Variants in EPHA6 observed in about 807,000 individuals in gnomAD.
The protein encoded by EPHA6 is ephrin type-A receptor 6.
In EPHA6, 50 loss-of-function variants were observed where a neutral mutation model predicts 112.0. The ratio of observed to expected loss-of-function variants is 0.45; its 90% CI spans 0.36 to 0.56. The LOEUF is 0.56. Among genes scored for constraint, EPHA6 ranks in the 20% least tolerant of loss-of-function variants. EPHA6 has a pLI of 0.00. For synonymous variants in EPHA6, 529 were observed against 490.7 expected, an observed-to-expected ratio of 1.08 and a Z score of -1.03; for missense variants, 1,280 against 1,417.4, an observed-to-expected ratio of 0.90 and a Z score of 1.56.
intron 13 of EPHA6, among the ~76,000 whole-genome samples, chr3:97,617,398 C>A (rs762616039): frequency 2.0e-5 from 3 of 152,012 alleles, no homozygotes; most frequent in Non-Finnish European, 4.4e-5. Context: ...GCTAGCATCA[C>A]GATGTCAGGA....
intron 14 of EPHA6, among the ~76,000 whole-genome samples, chr3:97,694,131 T>A (rs988680713): frequency 8.5e-5 from 13 of 152,192 alleles, no homozygotes; most frequent in African/African-American, 3.1e-4. Context: ...AAAACCTAGT[T>A]TCTAGTTCTA....
chr3:97,727,242 T>G (rs549198409), intron 15 of EPHA6, among the ~76,000 whole-genome samples: 10 of 152,016 alleles, frequency 6.6e-5, no homozygotes, highest in Non-Finnish European at 1.5e-4. Flanking sequence ...TAATAATGAG[T>G]TTTGCTTTAG....
intron 2 of EPHA6, among the ~76,000 whole-genome samples, chr3:96,906,134 TA>T (rs1264821754): frequency 1.3e-5 from 2 of 152,096 alleles, no homozygotes; most frequent in African/African-American, 4.8e-5. Flanking sequence ...TTTCCTGTTT[TA>T]AAAAACTGAA....
At chr3:97,489,680 C>T (rs2091788595) in intron 10 of EPHA6, among the ~76,000 whole-genome samples, 1 of 143,968 alleles carries the variant, frequency 6.9e-6, no homozygotes, top group South Asian at 2.1e-4. Context: ...AGCGAGACTC[C>T]GTCTTAAAAA....
chr3:97,013,515 C>T (rs2044162261), intron 3 of EPHA6, among the ~76,000 whole-genome samples: 1 of 152,002 alleles, frequency 6.6e-6, no homozygotes, highest in Non-Finnish European at 1.5e-5. Flanking sequence ...CCTGAAAAAC[C>T]ATGAATTGCC....
chr3:97,344,024 G>T (rs1387274717), intron 5 of EPHA6, among the ~76,000 whole-genome samples: 3 of 152,252 alleles, frequency 2.0e-5, no homozygotes, highest in Admixed American at 2.0e-4. Context: ...GGGAATGTCT[G>T]TCCTATGCCT....
rs906821863 is a variant in EPHA6, at chr3:97,755,900, A to G, written c.*7199A>G. ...AATGCTAATTTGTAAAGATAGGCAA[A>G]CACTACACTTTTAAGATTTTTACCG... On this transcript the variant is annotated 3_prime_UTR_variant, in exon 18 of 18. Coordinates refer to ENST00000389672, the MANE Select transcript of EPHA6 (RefSeq NM_001080448.3). Among the ~76,000 whole-genome samples, 5 of 152,160 alleles carry G rather than the reference A, an allele frequency of 3.3e-5. No homozygotes were observed. The highest frequency in any genetic ancestry group is 1.9e-4 in the East Asian group (1 of 5,184).
At chr3:97,636,091 A>G (rs754238913) in intron 13 of EPHA6, among the ~76,000 whole-genome samples, 14 of 152,254 alleles carry the variant, frequency 9.2e-5, no homozygotes, top group Admixed American at 3.9e-4. Context: ...TGCAATTCCA[A>G]GTTAGATGAC....
intron 2 of EPHA6, among the ~76,000 whole-genome samples, chr3:96,947,362 G>C (rs112336228): frequency 3.9e-5 from 6 of 152,062 alleles, no homozygotes; most frequent in Non-Finnish European, 7.4e-5. Flanking sequence ...TTTGTATAAG[G>C]CATAAGGAAG....
At chr3:97,297,955 G>A (rs548977972) in intron 5 of EPHA6, among the ~76,000 whole-genome samples, 2 of 151,956 alleles carry the variant, frequency 1.3e-5, no homozygotes, top group Non-Finnish European at 2.9e-5. Flanking sequence ...GTAGAGACAG[G>A]GTTTCACCAT....
intron 7 of EPHA6, among the ~76,000 whole-genome samples, chr3:97,454,465 C>G (rs2090619866): frequency 6.6e-6 from 1 of 151,522 alleles, no homozygotes; most frequent in South Asian, 2.1e-4. Flanking sequence ...TATTAAAATA[C>G]TAAAGAATAG....
At chr3:97,175,113 T>C (rs2076801983) in intron 3 of EPHA6, among the ~76,000 whole-genome samples, 1 of 152,036 alleles carries the variant, frequency 6.6e-6, no homozygotes, top group Non-Finnish European at 1.5e-5. Flanking sequence ...TTATTTTGCA[T>C]GTGGATATTC....
chr3:97,681,077 T>C (rs1013895601), intron 14 of EPHA6, among the ~76,000 whole-genome samples: 6 of 151,870 alleles, frequency 4.0e-5, no homozygotes, highest in African/African-American at 1.5e-4. Context: ...TAGTGAAAAA[T>C]AGGAAGAGGA....
At chr3:97,000,001 AC>A (rs1242251767) in intron 3 of EPHA6, among the ~76,000 whole-genome samples, 1 of 151,856 alleles carries the variant, frequency 6.6e-6, no homozygotes, top group African/African-American at 2.4e-5. Flanking sequence ...TATTGACTGA[AC>A]CCATCTGTTC....
intron 1 of EPHA6, among the ~76,000 whole-genome samples, chr3:96,863,278 G>A (rs555931888): frequency 7.0e-4 from 106 of 151,904 alleles, no homozygotes; most frequent in Non-Finnish European, 1.1e-3. Context: ...AGTTTACAGT[G>A]TTTTTGCTGT....
intron 2 of EPHA6, among the ~76,000 whole-genome samples, chr3:96,925,236 G>A (rs1329404177): frequency 6.6e-6 from 1 of 151,878 alleles, no homozygotes; most frequent in Non-Finnish European, 1.5e-5. Flanking sequence ...GCTCTTTTTT[G>A]TGCCTCTCAT....
At chr3:97,292,512 G>T (rs982527412) in intron 5 of EPHA6, among the ~76,000 whole-genome samples, 21 of 152,190 alleles carry the variant, frequency 1.4e-4, no homozygotes, top group Non-Finnish European at 2.9e-4. Context: ...AGCTCCTTTC[G>T]GCAAGCAGGT....
chr3:96,815,999 T>C (rs1164835726), intron 1 of EPHA6, among the ~76,000 whole-genome samples: 2 of 152,152 alleles, frequency 1.3e-5, no homozygotes, highest in Non-Finnish European at 2.9e-5. Flanking sequence ...GTTATAGTTA[T>C]CATTTAACAC....
intron 12 of EPHA6, chr3:97,606,367 C>T (rs2093680204): frequency 6.6e-6 from 1 of 151,236 alleles, no homozygotes. Flanking sequence ...TATTACTGAG[C>T]AAGAGAAAGC....
Sources: allele counts gnomAD v4.1 joint callset (sites outside exome capture counted in the v4.1 genomes callset), GRCh38; gene constraint gnomAD v4.1.1; transcripts MANE v1.5; gene names NCBI Gene and HGNC (gene_info 2026-07-23, HGNC 2026-07-21).